COL5A2: variants seen among roughly 807,000 people sequenced by gnomAD.
The protein encoded by COL5A2 is collagen alpha-2(V) chain.
COL5A2 carries 23 observed loss-of-function variants against 208.2 expected under a neutral mutation model. The ratio of observed to expected loss-of-function variants is 0.11; its 90% CI spans 0.08 to 0.16. The LOEUF is 0.16. Ranked by LOEUF, COL5A2 falls within the 10% of genes least tolerant of loss-of-function variation. The probability of loss-of-function intolerance (pLI) is 1.00; values close to 1 mark genes in which losing one functional copy is unlikely to be tolerated. For synonymous variants in COL5A2, 625 were observed against 628.5 expected, an observed-to-expected ratio of 0.99 and a Z score of 0.08; for missense variants, 1,590 against 1,956.4, an observed-to-expected ratio of 0.81 and a Z score of 3.53.
chr2:189,116,268 C>A (rs1000405350), intron 1 of COL5A2, among the ~76,000 whole-genome samples: 2 of 152,190 alleles, frequency 1.3e-5, no homozygotes. Flanking sequence ...GCCACAGATG[C>A]TGCCTTTAGT....
the COL5A2 span, among the ~76,000 whole-genome samples, chr2:189,387,913 T>C: frequency 6.6e-6 from 1 of 152,124 alleles, no homozygotes; most frequent in Admixed American, 6.5e-5. Flanking sequence ...GCCTCCCAAG[T>C]AGTTGGGACT....
intron 8 of COL5A2, 89 bp from the exon 9 acceptor site, chr2:189,086,859 G>A: frequency 8.7e-7 from 1 of 1,152,254 alleles, no homozygotes; most frequent in Admixed American, 2.0e-5. Flanking sequence ...CTAGAATCTG[G>A]AAAAGTGAAG....
At chr2:189,432,463 C>T in the COL5A2 span, among the ~76,000 whole-genome samples, 12 of 152,034 alleles carry the variant, frequency 7.9e-5, no homozygotes, top group African/African-American at 2.9e-4. Flanking sequence ...CACACATAGG[C>T]TCAAAATAAA....
chr2:189,265,927 T>C, the COL5A2 span, among the ~76,000 whole-genome samples: 5 of 152,312 alleles, frequency 3.3e-5, no homozygotes, highest in Admixed American at 3.3e-4. Context: ...CCCAAATAGT[T>C]AATCATAGAG....
the COL5A2 span, among the ~76,000 whole-genome samples, chr2:189,363,604 A>G: frequency 2.0e-5 from 3 of 152,132 alleles, no homozygotes; most frequent in Non-Finnish European, 1.5e-5. Context: ...AATAATTTCA[A>G]TTTAAATTCA....
chr2:189,190,238 A>G (rs1298908861), intron 1 of COL5A2, among the ~76,000 whole-genome samples: 1 of 152,160 alleles, frequency 6.6e-6, no homozygotes, highest in Non-Finnish European at 1.5e-5. Context: ...TTGGAGGAAC[A>G]CCTGGATTTC....
At chr2:189,286,527 T>C in the COL5A2 span, among the ~76,000 whole-genome samples, 1 of 151,890 alleles carries the variant, frequency 6.6e-6, no homozygotes, top group Admixed American at 6.6e-5. Flanking sequence ...TGGGAGGTAC[T>C]CGGAGGGAAA....
intron 1 of COL5A2, among the ~76,000 whole-genome samples, chr2:189,136,769 A>G (rs1687835105): frequency 6.6e-6 from 1 of 152,034 alleles, no homozygotes; most frequent in Non-Finnish European, 1.5e-5. Context: ...CCTAAATTCA[A>G]CCTTATTCAA....
chr2:189,226,820 G>C (rs944610996), upstream of COL5A2, among the ~76,000 whole-genome samples: 1 of 152,080 alleles, frequency 6.6e-6, no homozygotes, highest in African/African-American at 2.4e-5. Flanking sequence ...TTTCTTTCTT[G>C]AATTTCTGGT....
rs764623402 is a variant in COL5A2 at position 189,083,989 on chromosome 2, A to T, written c.847T>A (p.Ser283Thr). The T allele has an allele frequency of 1.9e-6, 3 of 1,611,850 alleles. No individual in the cohort carries two copies. The South Asian group carries it at 3.3e-5, about 18-fold the overall frequency. Reference sequence around the variant, plus strand: ...TATGTTGAGTATAAACTTACCGGAGATCCTGCAAATCCCACTTCACCAGGA... The same window carrying T: ...TATGTTGAGTATAAACTTACCGGAGTTCCTGCAAATCCCACTTCACCAGGA... ...GNPGEVGFAG[S>T]PGARGFPGAP... Residue 283 changes from serine to threonine, a missense_variant, in exon 12 of 54, where the codon TCT becomes ACT. Coordinates refer to ENST00000374866, the MANE Select transcript of COL5A2 (RefSeq NM_000393.5).
chr2:189,183,829 T>C (rs1688813338), upstream of COL5A2, among the ~76,000 whole-genome samples: 1 of 152,220 alleles, frequency 6.6e-6, no homozygotes, highest in Non-Finnish European at 1.5e-5. Flanking sequence ...AGTCTTCTGC[T>C]TTCCTCTTGT....
intron 5 of COL5A2, among the ~76,000 whole-genome samples, chr2:189,098,034 T>TCCC (rs1559103181): frequency 8.7e-6 from 1 of 114,726 alleles, no homozygotes; most frequent in South Asian, 3.1e-4. Flanking sequence ...TAAAATGTTT[T>TCCC]TCCCCCCCTG....
chr2:189,328,788 C>G, the COL5A2 span, among the ~76,000 whole-genome samples: 8 of 152,210 alleles, frequency 5.3e-5, no homozygotes, highest in Non-Finnish European at 1.0e-4. Flanking sequence ...GGTGAACTAT[C>G]AGCTAGCACT....
chr2:189,060,186 T>C (rs1685997260), intron 31 of COL5A2, among the ~76,000 whole-genome samples: 1 of 152,194 alleles, frequency 6.6e-6, no homozygotes, highest in Non-Finnish European at 1.5e-5. Context: ...TCCATAAACA[T>C]AGTACCTCCC....
intron 8 of COL5A2, among the ~76,000 whole-genome samples, chr2:189,088,436 T>C (rs1282209089): frequency 6.6e-6 from 1 of 152,224 alleles, no homozygotes; most frequent in Non-Finnish European, 1.5e-5. Flanking sequence ...TAAACTCCTT[T>C]ATTTTCTTCC....
intron 8 of COL5A2, among the ~76,000 whole-genome samples, chr2:189,088,462 G>A (rs1346735178): frequency 1.3e-5 from 2 of 152,062 alleles, no homozygotes; most frequent in Non-Finnish European, 2.9e-5. Flanking sequence ...TAAATAAAAT[G>A]TACAGATAGA....
intron 1 of COL5A2, among the ~76,000 whole-genome samples, chr2:189,176,810 AT>A (rs148325719): frequency 1.3e-5 from 2 of 151,928 alleles, no homozygotes; most frequent in Non-Finnish European, 2.9e-5. Flanking sequence ...TTAAAAGCTG[AT>A]TTTTTTCATT....
intron 40 of COL5A2, 68 bp from the exon 41 acceptor site, chr2:189,052,293 A>AT (rs1039852847): frequency 4.8e-5 from 71 of 1,468,544 alleles, no homozygotes; most frequent in East Asian, 9.1e-5. Context: ...TTTTCCTGGG[A>AT]TTTTTTTTCA....
chr2:189,093,882 T>A (rs897755583), intron 6 of COL5A2, among the ~76,000 whole-genome samples: 2 of 152,228 alleles, frequency 1.3e-5, no homozygotes, highest in African/African-American at 2.4e-5. Flanking sequence ...GGTTTATTCA[T>A]ACAGCCTTGT....
Sources: gnomAD v4.1 joint callset for allele counts (sites outside exome capture counted in the v4.1 genomes callset) on GRCh38, gnomAD v4.1.1 for gene constraint, MANE v1.5 for transcripts, NCBI Gene and HGNC (gene_info 2026-07-23, HGNC 2026-07-21) for gene names.